Variants in CCBE1 observed in about 807,000 individuals in gnomAD.
CCBE1 encodes the protein collagen and calcium binding EGF domains 1, also known as collagen and calcium-binding EGF domain-containing protein 1.
CCBE1 carries 37 observed loss-of-function variants against 50.0 expected under a neutral mutation model. That is an observed-to-expected ratio of 0.74 (90% CI 0.57 to 0.97). The LOEUF (loss-of-function observed/expected upper bound fraction) is 0.97, where lower values mean the gene tolerates loss of function less well. Ranked by LOEUF, CCBE1 falls within the 50% of genes least tolerant of loss-of-function variation. The pLI is 0.00. For missense variants in CCBE1, 538 were observed against 523.8 expected, an observed-to-expected ratio of 1.03 and a Z score of -0.26; for synonymous variants, 234 against 203.7, an observed-to-expected ratio of 1.15 and a Z score of -1.27.
chr18:59,628,583 G>A (rs1353553959), intron 2 of CCBE1, among the ~76,000 whole-genome samples: 5 of 152,186 alleles, frequency 3.3e-5, no homozygotes. Context: ...GGCTTCGTGG[G>A]ATGGATGGGA....
At chr18:59,447,834 AT>A in intron 7 of CCBE1, 148 bp downstream of exon 7, 1 of 1,177,750 alleles carries the variant, frequency 8.5e-7, no homozygotes, top group Non-Finnish European at 1.2e-6. Context: ...AGGCTCTCTC[AT>A]TGCATGGGTG....
chr18:59,548,882 C>T (rs575782335), intron 2 of CCBE1, among the ~76,000 whole-genome samples: 24 of 152,070 alleles, frequency 1.6e-4, no homozygotes, highest in Non-Finnish European at 3.1e-4. Context: ...AGGAAAGTTA[C>T]ACCTGAGGCC....
At chr18:59,612,299 A>C (rs2053579740) in intron 2 of CCBE1, among the ~76,000 whole-genome samples, 1 of 149,176 alleles carries the variant, frequency 6.7e-6, no homozygotes. Flanking sequence ...ATAATAAAAA[A>C]AAAAAAGAAA....
chr18:59,540,326 A>G (rs1224004018), intron 2 of CCBE1, among the ~76,000 whole-genome samples: 1 of 152,206 alleles, frequency 6.6e-6, no homozygotes, highest in Non-Finnish European at 1.5e-5. Flanking sequence ...AGAAAATTAC[A>G]TATAGAAATA....
chr18:59,648,172 G>A (rs1384279833), intron 2 of CCBE1, among the ~76,000 whole-genome samples: 1 of 152,244 alleles, frequency 6.6e-6, no homozygotes, highest in Non-Finnish European at 1.5e-5. Context: ...GCTGAGCAGA[G>A]CAAGTTAGAA....
intron 2 of CCBE1, among the ~76,000 whole-genome samples, chr18:59,613,623 G>A (rs147364961): frequency 9.9e-5 from 15 of 152,160 alleles, no homozygotes; most frequent in African/African-American, 2.7e-4. Flanking sequence ...ATAGAGGCCA[G>A]GCACAGTGGC....
chr18:59,573,562 A>G (rs569311897), intron 2 of CCBE1, among the ~76,000 whole-genome samples: 1 of 152,044 alleles, frequency 6.6e-6, no homozygotes, highest in Non-Finnish European at 1.5e-5. Flanking sequence ...ACCAACATAT[A>G]GTCCCCAACC....
intron 2 of CCBE1, among the ~76,000 whole-genome samples, chr18:59,655,476 AT>A (rs2054177615): frequency 6.6e-6 from 1 of 152,152 alleles, no homozygotes; most frequent in Non-Finnish European, 1.5e-5. Context: ...AAACATTTGA[AT>A]TCAGTTTCTC....
At chr18:59,530,601 T>G (rs1915010699) in intron 2 of CCBE1, among the ~76,000 whole-genome samples, 1 of 152,174 alleles carries the variant, frequency 6.6e-6, no homozygotes, top group Non-Finnish European at 1.5e-5. Context: ...AGATATCTGC[T>G]CCCCTTTATA....
intron 5 of CCBE1, among the ~76,000 whole-genome samples, chr18:59,463,786 T>C (rs1372603158): frequency 6.6e-6 from 1 of 152,230 alleles, no homozygotes; most frequent in Non-Finnish European, 1.5e-5. Context: ...TAAGCCTTGG[T>C]TGCTGGAGGC....
intron 2 of CCBE1, among the ~76,000 whole-genome samples, chr18:59,584,830 C>G (rs1000479245): frequency 6.6e-6 from 1 of 152,138 alleles, no homozygotes; most frequent in African/African-American, 2.4e-5. Context: ...TTATAAATTA[C>G]CCAGTCTCAG....
intron 2 of CCBE1, among the ~76,000 whole-genome samples, chr18:59,565,185 G>T (rs1189484507): frequency 6.6e-6 from 1 of 152,198 alleles, no homozygotes; most frequent in African/African-American, 2.4e-5. Flanking sequence ...AACTCTGAGT[G>T]TCAAAAATGT....
At chr18:59,697,601 G>T (rs1599148570), upstream of CCBE1, 6 of 493,258 alleles carry the variant, frequency 1.2e-5, 1 homozygote, top group African/African-American at 8.0e-5. Flanking sequence ...TGGCGCGAGG[G>T]CCCTGAGGTT....
rs372343717 is a variant in CCBE1 at position 59,647,871 on chromosome 18, G to A, written c.212+48758C>T. Among the ~76,000 whole-genome samples the A allele has an allele frequency of 5.9e-4, 90 of 152,268 alleles. 1 individual carries two copies. In the South Asian group the frequency reaches 0.018, roughly 31 times the overall value. On this transcript the variant is annotated intron_variant, in intron 2 of 10. Coordinates refer to ENST00000439986, the MANE Select transcript of CCBE1 (RefSeq NM_133459.4). ...TTATTTTAAAAAGTGTTCTCATGTT[G>A]TATGATTGTGTAGGAGGGAGACACA... is the stretch of plus-strand genomic sequence containing the variant.
intron 3 of CCBE1, among the ~76,000 whole-genome samples, chr18:59,476,925 C>T (rs554910590): frequency 2.7e-4 from 41 of 152,304 alleles, no homozygotes; most frequent in African/African-American, 9.1e-4. Flanking sequence ...GTGGGAGTGG[C>T]ACCACTCACT....
At position 59,433,090 on chromosome 18, in the gene CCBE1, C is replaced by G. The variant is rs961119930; in HGVS notation, c.*2818G>C. 6.6e-6 allele frequency: 1 copy of G among 151,964 alleles called. No homozygotes were observed. Among genetic ancestry groups the G allele is most frequent in the African/African-American group, 2.4e-5 (1 of 41,366 alleles). 9.4% of individuals were successfully genotyped at this position (151,964 alleles called of 1,614,324 possible). ...CTATAAACCCGTGGTTGGTGTGGCC[C>G]TCTGTCATGAATGTTGAATTTTGCA... On this transcript the variant is annotated 3_prime_UTR_variant, in exon 11 of 11. Coordinates refer to ENST00000439986, the MANE Select transcript of CCBE1 (RefSeq NM_133459.4).
chr18:59,560,128 T>G (rs2052712436), intron 2 of CCBE1, among the ~76,000 whole-genome samples: 1 of 152,246 alleles, frequency 6.6e-6, no homozygotes, highest in Admixed American at 6.5e-5. Flanking sequence ...ACAGCCTTTC[T>G]GGTAGCCAGA....
At chr18:59,599,619 A>G (rs1328814256) in intron 2 of CCBE1, among the ~76,000 whole-genome samples, 2 of 152,174 alleles carry the variant, frequency 1.3e-5, no homozygotes, top group African/African-American at 2.4e-5. Context: ...AGAGTACACA[A>G]TTTGCTATCA....
At chr18:59,614,382 A>G (rs2053612095) in intron 2 of CCBE1, among the ~76,000 whole-genome samples, 3 of 152,196 alleles carry the variant, frequency 2.0e-5, no homozygotes, top group African/African-American at 7.2e-5. Context: ...ACAAAAAGTG[A>G]TTTACTTACC....
Sources: gnomAD v4.1 joint callset for allele counts (sites outside exome capture counted in the v4.1 genomes callset) on GRCh38, gnomAD v4.1.1 for gene constraint, MANE v1.5 for transcripts, NCBI Gene and HGNC (gene_info 2026-07-23, HGNC 2026-07-21) for gene names.